The following ANO9 variants were observed in gnomAD, a reference collection of about 807,000 sequenced individuals.
ANO9 encodes anoctamin-9.
In ANO9, 80 loss-of-function variants were observed where a neutral mutation model predicts 100.5. That is an observed-to-expected ratio of 0.80 (90% CI 0.66 to 0.96). ANO9 has a LOEUF of 0.96. Ranked by LOEUF, ANO9 falls within the 40% of genes least tolerant of loss-of-function variation. The pLI is 0.00. For synonymous variants in ANO9, 473 were observed against 435.6 expected (o/e 1.09, Z -1.07); for missense variants, 1,064 against 1,072.7 (o/e 0.99, Z 0.11).
Position 433,301 on chromosome 11 carries a change from T to C in ANO9, c.350+13A>G, listed in dbSNP as rs1849169371. 6.2e-7 allele frequency: 1 copy of C among 1,610,808 alleles called. No individual in the cohort carries two copies. The highest frequency in any genetic ancestry group is 1.3e-5 in the African/African-American group (1 of 74,906). On this transcript the variant is annotated intron_variant, in intron 4 of 22. Transcript: ENST00000332826. ...GGGTTCTCCTGGCCACGGCTCTGGGTGCAGCCTCTCACCTCGTGGTGACCG... is the reference window on the plus strand; with the variant it reads ...GGGTTCTCCTGGCCACGGCTCTGGGCGCAGCCTCTCACCTCGTGGTGACCG...
At chr11:427,529 C>T (rs139374334) in intron 15 of ANO9, among the ~76,000 whole-genome samples, 3,643 of 151,830 alleles carry the variant, frequency 0.024, 62 homozygotes, top group East Asian at 0.065. Flanking sequence ...CCCAGGAATT[C>T]GAAACCAGCC....
At chr11:424,127 C>G (rs189879371) in intron 15 of ANO9, among the ~76,000 whole-genome samples, 1,665 of 152,274 alleles carry the variant, frequency 0.011, 65 homozygotes, top group Admixed American at 0.078. Flanking sequence ...CTCCTGACCT[C>G]AGGTGATCTG....
chr11:422,525 ATCAGAAGGACTCAGGACTCAC>A lies in ANO9; in HGVS notation c.1335-1348_1335-1328del, dbSNP rs1370746511. On this transcript the variant is annotated intron_variant, in intron 15 of 22. Transcript: ENST00000332826. The surrounding 1 kb of genome is among the most constrained non-coding windows in gnomAD (Gnocchi z 4.3). ...TGGGAGCTGGCCTGACTCAGAAGGAATCAGAAGGACTCAGGACTCACTCAGAAGGACTCAGCCCCACGCTGC... is the reference window on the plus strand; with the variant it reads ...TGGGAGCTGGCCTGACTCAGAAGGAATCAGAAGGACTCAGCCCCACGCTGC... Among the ~76,000 whole-genome samples the A allele has an allele frequency of 3.5e-4, 53 of 152,334 alleles. No homozygotes were observed. Among genetic ancestry groups the A allele is most frequent in the African/African-American group, 1.1e-3 (47 of 41,584 alleles).
rs1011865193 is a variant in ANO9 at position 433,300 on chromosome 11, G to T, written c.350+14C>A. ...GGGGTTCTCCTGGCCACGGCTCTGG[G>T]TGCAGCCTCTCACCTCGTGGTGACC... On this transcript the variant is annotated intron_variant, in intron 4 of 22. Transcript: ENST00000332826. The T allele has an allele frequency of 2.5e-6, 4 of 1,610,718 alleles. No homozygotes were observed. The highest frequency in any genetic ancestry group is 3.4e-6 in the Non-Finnish European group (4 of 1,178,932).
rs764486606 is a variant in ANO9 at position 418,377 on chromosome 11, G to A, written c.2343C>T (p.Asp781=). 11 of 1,607,864 alleles carry A rather than the reference G, an allele frequency of 6.8e-6. No homozygotes were observed. The highest frequency in any genetic ancestry group is 1.3e-5 in the African/African-American group (1 of 74,778). Residue 781 remains aspartate (D), a synonymous_variant, in exon 23 of 23, where the codon GAC becomes GAT. Transcript: ENST00000332826. The part of the protein sequence containing the change: ...PASIFSARST[D]V ...CTCTGGACGGGCTCTGGCCCTACAC[G>A]TCTGTGCTCCTGGCACTGAAGATGG...
chr11:420,212 G>T, intron 19 of ANO9: 1 of 1,409,424 alleles, frequency 7.1e-7, no homozygotes, highest in Non-Finnish European at 9.2e-7. Flanking sequence ...GGTCCCCCTT[G>T]GGGGCGTCAA....
intron 19 of ANO9, 128 bp from the exon 20 acceptor site, chr11:419,857 CT>C (rs1234193054): frequency 1.6e-5 from 23 of 1,477,290 alleles, no homozygotes; most frequent in Non-Finnish European, 2.0e-5. Flanking sequence ...AGCCCTAGGG[CT>C]GCAGTATTCA....
At chr11:435,774 G>C (rs1849472606) in intron 1 of ANO9, among the ~76,000 whole-genome samples, 3 of 151,100 alleles carry the variant, frequency 2.0e-5, no homozygotes. Flanking sequence ...GTATGGTGTA[G>C]TCTAGTCTAG....
At chr11:426,640 T>C (rs1590442967) in intron 15 of ANO9, among the ~76,000 whole-genome samples, 1 of 151,726 alleles carries the variant, frequency 6.6e-6, no homozygotes, top group Non-Finnish European at 1.5e-5. Context: ...ACCTTAGAGG[T>C]GTAAGGGAAT....
intron 15 of ANO9, among the ~76,000 whole-genome samples, chr11:427,850 G>C (rs974754305): frequency 1.3e-5 from 2 of 150,890 alleles, no homozygotes; most frequent in Admixed American, 1.3e-4. Flanking sequence ...GTGCTGTTAT[G>C]CGCCTGCAAA....
intron 19 of ANO9, chr11:420,114 C>T: frequency 3.0e-6 from 4 of 1,326,156 alleles, no homozygotes; most frequent in African/African-American, 1.5e-5. Context: ...GCTCCCGTCG[C>T]TCCCCTGCTG....
chr11:432,541 G>C lies in ANO9; in HGVS notation c.351-487C>G, dbSNP rs993297225. Reference sequence around the variant, plus strand: ...GCCAAGCGTCCGACGGCAGAGCCGGGCTCCCAGCCTCCCCCTGTGCCTACA... The same window carrying C: ...GCCAAGCGTCCGACGGCAGAGCCGGCCTCCCAGCCTCCCCCTGTGCCTACA... On this transcript the variant is annotated intron_variant, in intron 4 of 22. Coordinates refer to ENST00000332826, the MANE Select transcript of ANO9 (RefSeq NM_001012302.3). The surrounding 1 kb of genome is among the most constrained non-coding windows in gnomAD (Gnocchi z 4.8). The C allele has an allele frequency of 3.1e-5, 5 of 160,284 alleles. No individual in the cohort carries two copies. The highest frequency in any genetic ancestry group is 1.2e-4 in the African/African-American group (5 of 41,584). The allele number at this position is 160,284 out of a possible 1,614,324, so 9.9% of individuals were successfully genotyped here.
chr11:420,734 G>A lies in ANO9; in HGVS notation c.1617C>T (p.Asp539=), dbSNP rs929918233. 1 of 1,608,538 alleles carries A rather than the reference G, an allele frequency of 6.2e-7. No individual in the cohort carries two copies. Among genetic ancestry groups the A allele is most frequent in the Non-Finnish European group, 8.5e-7 (1 of 1,178,584 alleles). Residue 539 remains aspartate (D), a synonymous_variant, in exon 18 of 23, where the codon GAC becomes GAT. Transcript: ENST00000332826. ...CCCACGCACTCATCTCCATGAACTC[G>A]TCGAACAGGCTGAAGGTGTTGACCG... The part of the protein sequence containing the change: ...LNPVNTFSLF[D]EFMEMMIQYG...
rs772163842 is a variant in ANO9 at position 422,986 on chromosome 11, C to G, written c.1335-1788G>C. On this transcript the variant is annotated intron_variant, in intron 15 of 22. Transcript: ENST00000332826. This position sits in a 1 kb window ranked among gnomAD's most constrained non-coding sequence, Gnocchi z 4.3. ...CTGGGATTACAGGTGCGCGCCACCA[C>G]GCCTGGCTAATTTTTGTATATTTAG... Among the ~76,000 whole-genome samples, 1 of 151,940 alleles carries G rather than the reference C, an allele frequency of 6.6e-6. No individual in the cohort carries two copies. Among genetic ancestry groups the G allele is most frequent in the African/African-American group, 2.4e-5 (1 of 41,350 alleles).
In ANO9 at chr11:420,719, C is replaced by T. The variant is rs887833056; in HGVS notation, c.1632G>A (p.Met544Ile). The change falls in exon 18 of 23, where the codon ATG becomes ATA. Residue 544 changes from methionine (M) to isoleucine (I), a missense_variant and splice_region_variant. Coordinates refer to ENST00000332826, the MANE Select transcript of ANO9 (RefSeq NM_001012302.3). ...TFSLFDEFME[M>I]MIQYGFTTIF... ...CCCCGCCCCGCAGCGCCCACGCACT[C>T]ATCTCCATGAACTCGTCGAACAGGC... 2.5e-6 allele frequency: 4 copies of T among 1,607,654 alleles called. No homozygotes were observed. Among genetic ancestry groups the T allele is most frequent in the Non-Finnish European group, 3.4e-6 (4 of 1,177,944 alleles).
At position 429,803 on chromosome 11, in the gene ANO9, C is replaced by A; in HGVS notation, c.787G>T (p.Asp263Tyr). 1 of 1,605,796 alleles carries A rather than the reference C, an allele frequency of 6.2e-7. No homozygotes were observed. Among genetic ancestry groups the A allele is most frequent in the Non-Finnish European group, 8.5e-7 (1 of 1,175,006 alleles). Residue 263 changes from aspartate to tyrosine, a missense_variant, in exon 10 of 23, where the codon GAC becomes TAC. Coordinates refer to ENST00000332826, the MANE Select transcript of ANO9 (RefSeq NM_001012302.3). Reference sequence around the variant, plus strand: ...GCGAACACCACCGTGCCATCATTGTCAAAGAGGTGGGTGAGCTGGGGGGGT... The same window carrying A: ...GCGAACACCACCGTGCCATCATTGTAAAAGAGGTGGGTGAGCTGGGGGGGT... ...CTFAKLTHLFDNDGTVVFAIF... is the reference protein window; with the variant it reads ...CTFAKLTHLFYNDGTVVFAIF...
intron 1 of ANO9, among the ~76,000 whole-genome samples, chr11:436,001 T>A (rs1849502632): frequency 6.6e-6 from 1 of 151,132 alleles, no homozygotes; most frequent in South Asian, 2.1e-4. Flanking sequence ...AAATGTTGTT[T>A]ATGTGACATT....
At chr11:429,373 C>T in intron 11 of ANO9, 197 bp downstream of exon 11, 1 of 1,317,114 alleles carries the variant, frequency 7.6e-7, no homozygotes, top group Non-Finnish European at 1.0e-6. Context: ...ACACGGGACA[C>T]TCACCCCACA....
chr11:426,269 G>A (rs1225061482), intron 15 of ANO9, among the ~76,000 whole-genome samples: 8 of 152,152 alleles, frequency 5.3e-5, no homozygotes, highest in Non-Finnish European at 1.0e-4. Flanking sequence ...GGACACCAAG[G>A]CAGGAGGATT....
Sources: allele counts gnomAD v4.1 joint callset (sites outside exome capture counted in the v4.1 genomes callset), GRCh38; gene constraint gnomAD v4.1.1; non-coding constraint Gnocchi (gnomAD v3.1); transcripts MANE v1.5; gene names NCBI Gene and HGNC (gene_info 2026-07-23, HGNC 2026-07-21).